PARD3B: variants seen among roughly 807,000 people sequenced by gnomAD.
PARD3B encodes the protein par-3 family cell polarity regulator beta, also known as partitioning defective 3 homolog B.
In PARD3B, 103 loss-of-function variants were observed where a neutral mutation model predicts 130.2. The ratio of observed to expected loss-of-function variants is 0.79; its 90% CI spans 0.67 to 0.93. PARD3B has a LOEUF of 0.93. Ranked by LOEUF, PARD3B falls within the 40% of genes least tolerant of loss-of-function variation. The pLI is 0.00. For missense variants in PARD3B, 1,609 were observed against 1,499.2 expected (o/e 1.07, Z -1.21); for synonymous variants, 583 against 553.2 (o/e 1.05, Z -0.76).
At chr2:204,764,339 A>C (rs2041040582) in intron 2 of PARD3B, among the ~76,000 whole-genome samples, 1 of 152,102 alleles carries the variant, frequency 6.6e-6, no homozygotes, top group South Asian at 2.1e-4. Flanking sequence ...CAGGGGATGG[A>C]ATTTTCCATT....
intron 2 of PARD3B, among the ~76,000 whole-genome samples, chr2:204,851,884 G>C (rs1215750859): frequency 1.3e-5 from 2 of 151,976 alleles, no homozygotes; most frequent in African/African-American, 4.8e-5. Flanking sequence ...GTAGAGACGG[G>C]GTTTCACCAT....
intron 19 of PARD3B, among the ~76,000 whole-genome samples, chr2:205,427,365 G>A (rs530275410): frequency 1.3e-5 from 2 of 152,266 alleles, no homozygotes; most frequent in East Asian, 3.9e-4. Context: ...ATACCCAAAT[G>A]TTCGCAAATG....
At chr2:204,639,637 T>A (rs534263991) in intron 1 of PARD3B, among the ~76,000 whole-genome samples, 1 of 152,314 alleles carries the variant, frequency 6.6e-6, no homozygotes. Flanking sequence ...GATTTAAAAC[T>A]ATAGGGGAAG....
rs372991543 is a variant in PARD3B at position 204,681,877 on chromosome 2, C to G, written c.121-4304C>G. 2.3e-4 allele frequency among the ~76,000 whole-genome samples: 35 copies of G among 152,280 alleles called. No individual in the cohort carries two copies. The East Asian group carries it at 6.4e-3, about 28-fold the overall frequency. ...CAAGTACATTTTTGTAATTCTCTAT[C>G]TAATTTCTGGTGCTTCAAACTCCCT... On this transcript the variant is annotated intron_variant, in intron 1 of 22. Transcript: ENST00000406610.
At position 205,300,870 on chromosome 2, in the gene PARD3B, C is replaced by A. The variant is rs2041972368; in HGVS notation, c.2392+134C>A. 10 of 1,007,936 alleles carry A rather than the reference C, an allele frequency of 9.9e-6. No individual in the cohort carries two copies. Among genetic ancestry groups the A allele is most frequent in the Middle Eastern group, 6.5e-4 (2 of 3,096 alleles). The allele number at this position is 1,007,936 out of a possible 1,614,324, so 62.4% of individuals were successfully genotyped here. A position where few individuals can be genotyped will look rare whatever the true frequency, so the allele number is the denominator to read the frequency against. On this transcript the variant is annotated intron_variant, in intron 17 of 22. Transcript: ENST00000406610. This position sits in a 1 kb window ranked among gnomAD's most constrained non-coding sequence, Gnocchi z 4.1. ...TATATTTTTGATATTAAAAGTAATTCATTTTCCTGATATGTTTTGCCCTTT... is the reference window on the plus strand; with the variant it reads ...TATATTTTTGATATTAAAAGTAATTAATTTTCCTGATATGTTTTGCCCTTT...
At chr2:205,073,020 A>G (rs1306523047) in intron 4 of PARD3B, among the ~76,000 whole-genome samples, 1 of 152,168 alleles carries the variant, frequency 6.6e-6, no homozygotes, top group African/African-American at 2.4e-5. Context: ...ATAAATTTTA[A>G]TATATATCTT....
chr2:204,572,651 T>C (rs1205618216), intron 1 of PARD3B, among the ~76,000 whole-genome samples: 2 of 152,192 alleles, frequency 1.3e-5, no homozygotes, highest in Non-Finnish European at 2.9e-5. Flanking sequence ...TTCCTGACAA[T>C]ATCTTAGTTG....
chr2:205,442,249 A>T (rs970055814), intron 20 of PARD3B, among the ~76,000 whole-genome samples: 1 of 149,604 alleles, frequency 6.7e-6, no homozygotes, highest in East Asian at 2.0e-4. Context: ...CATATGGGGA[A>T]TTCTAGGAAT....
At position 204,907,169 on chromosome 2, in the gene PARD3B, A is replaced by G. The variant is rs2125716100; in HGVS notation, c.223-57983A>G. On this transcript the variant is annotated intron_variant, in intron 2 of 22. Transcript: ENST00000406610. This position sits in a 1 kb window ranked among gnomAD's most constrained non-coding sequence, Gnocchi z 5.7. ...CTCTTTTTTCATATTTTTAGTAAAG[A>G]CGGGGTTTCACCGTGTTATCCAGGA... Among the ~76,000 whole-genome samples, 1 of 152,114 alleles carries G rather than the reference A, an allele frequency of 6.6e-6. No homozygotes were observed. Among genetic ancestry groups the G allele is most frequent in the Non-Finnish European group, 1.5e-5 (1 of 67,990 alleles).
intron 1 of PARD3B, among the ~76,000 whole-genome samples, chr2:204,555,624 G>A (rs563254179): frequency 6.6e-4 from 101 of 152,150 alleles, no homozygotes; most frequent in Non-Finnish European, 1.2e-3. Context: ...GTGAATCATC[G>A]AACCTGGAAG....
intron 1 of PARD3B, among the ~76,000 whole-genome samples, chr2:204,682,985 A>G (rs943340645): frequency 6.6e-6 from 1 of 152,198 alleles, no homozygotes; most frequent in Non-Finnish European, 1.5e-5. Context: ...AACCATTTTT[A>G]CATTTGATCA....
intron 15 of PARD3B, among the ~76,000 whole-genome samples, chr2:205,218,489 T>C (rs540538435): frequency 6.6e-6 from 1 of 152,346 alleles, no homozygotes; most frequent in South Asian, 2.1e-4. Flanking sequence ...AAGGTTACAC[T>C]TTTGGTTTTT....
Position 205,590,930 on chromosome 2 carries a change from A to G in PARD3B, c.3261-24526A>G, listed in dbSNP as rs1287337904. ...TAGTCCAGTGATTCATCCATCAGAT[A>G]ATCCCATATAAAGGAAAAAGACAAG... On this transcript the variant is annotated intron_variant, in intron 22 of 22. Transcript: ENST00000406610. This position sits in a 1 kb window ranked among gnomAD's most constrained non-coding sequence, Gnocchi z 4.1. Among the ~76,000 whole-genome samples the G allele has an allele frequency of 1.3e-5, 2 of 152,148 alleles. No individual in the cohort carries two copies. The highest frequency in any genetic ancestry group is 2.9e-5 in the Non-Finnish European group (2 of 68,028).
intron 2 of PARD3B, among the ~76,000 whole-genome samples, chr2:204,937,063 G>A (rs1688515112): frequency 1.3e-5 from 2 of 152,212 alleles, no homozygotes; most frequent in Admixed American, 6.5e-5. Flanking sequence ...TGAGTAACTT[G>A]TACAAGGTCA....
At chr2:205,500,224 C>T (rs950692404) in intron 21 of PARD3B, among the ~76,000 whole-genome samples, 193 bp downstream of exon 21, 1 of 152,106 alleles carries the variant, frequency 6.6e-6, no homozygotes, top group Non-Finnish European at 1.5e-5. Flanking sequence ...ACGCCGTGAA[C>T]GTGCAGTAGT....
chr2:204,967,845 C>T lies in PARD3B; in HGVS notation c.394+2522C>T, dbSNP rs991752858. On this transcript the variant is annotated intron_variant, in intron 3 of 22. Coordinates refer to ENST00000406610, the MANE Select transcript of PARD3B (RefSeq NM_001302769.2). This position sits in a 1 kb window ranked among gnomAD's most constrained non-coding sequence, Gnocchi z 4.4. ...TTGGCAGTAGAGGCAGTATTGATGG[C>T]ACTTCTGGGAGTGTGACCTGGCTGT... Among the ~76,000 whole-genome samples the T allele has an allele frequency of 1.3e-5, 2 of 152,276 alleles. No individual in the cohort carries two copies. The highest frequency in any genetic ancestry group is 2.1e-4 in the South Asian group (1 of 4,828).
At position 205,575,302 on chromosome 2, in the gene PARD3B, G is replaced by A. The variant is rs34613103; in HGVS notation, c.3260+21899G>A. 0.3 allele frequency among the ~76,000 whole-genome samples: 45,216 copies of A among 151,544 alleles called. 7,186 individuals are homozygous for A. Among genetic ancestry groups the A allele is most frequent in the Middle Eastern group, 0.38 (113 of 294 alleles). On this transcript the variant is annotated intron_variant, in intron 22 of 22. Coordinates refer to ENST00000406610, the MANE Select transcript of PARD3B (RefSeq NM_001302769.2). The surrounding 1 kb of genome is among the most constrained non-coding windows in gnomAD (Gnocchi z 4.6). Reference sequence around the variant, plus strand: ...ATAAACCTGCCACCTCAACACATGCGTAACTTCCCTCATTACCAACATTCC... The same window carrying A: ...ATAAACCTGCCACCTCAACACATGCATAACTTCCCTCATTACCAACATTCC...
chr2:205,588,356 T>C (rs973411682), intron 22 of PARD3B, among the ~76,000 whole-genome samples: 2 of 152,362 alleles, frequency 1.3e-5, no homozygotes, highest in African/African-American at 4.8e-5. Context: ...CAATACTTTG[T>C]ATCTATCCCA....
At chr2:205,501,296 A>C (rs2050151762) in intron 21 of PARD3B, among the ~76,000 whole-genome samples, 1 of 152,190 alleles carries the variant, frequency 6.6e-6, no homozygotes, top group Admixed American at 6.5e-5. Flanking sequence ...CTCTTTGGAG[A>C]GAGGCAGCCT....
Sources: allele counts gnomAD v4.1 joint callset (sites outside exome capture counted in the v4.1 genomes callset), GRCh38; gene constraint gnomAD v4.1.1; non-coding constraint Gnocchi (gnomAD v3.1); transcripts MANE v1.5; gene names NCBI Gene and HGNC (gene_info 2026-07-23, HGNC 2026-07-21).